Variants in NAGLU observed in about 807,000 individuals in gnomAD.
The protein encoded by NAGLU is N-acetyl-alpha-glucosaminidase.
A neutral mutation model predicts 43.4 loss-of-function variants in NAGLU; 34 were observed. That is an observed-to-expected ratio of 0.78 (90% CI 0.60 to 1.04). The LOEUF is 1.04. Among genes scored for constraint, NAGLU ranks in the 50% least tolerant of loss-of-function variants. The pLI is 0.00. For missense variants in NAGLU, 910 were observed against 993.7 expected, an observed-to-expected ratio of 0.92 and a Z score of 1.13; for synonymous variants, 425 against 437.6, an observed-to-expected ratio of 0.97 and a Z score of 0.36.
intron 4 of NAGLU, among the ~76,000 whole-genome samples, chr17:42,539,993 A>G (rs1252488078): frequency 6.6e-6 from 1 of 151,950 alleles, no homozygotes; most frequent in Non-Finnish European, 1.5e-5. Context: ...GGGCTCCTGT[A>G]ATCCCAGCTA....
chr17:42,543,015 C>A lies in NAGLU; in HGVS notation c.1022-13C>A. 3.7e-6 allele frequency: 6 copies of A among 1,600,300 alleles called. No homozygotes were observed. Among genetic ancestry groups the A allele is most frequent in the Non-Finnish European group, 5.1e-6 (6 of 1,179,974 alleles). On this transcript the variant is annotated splice_polypyrimidine_tract_variant and intron_variant, in intron 5 of 5. Coordinates refer to ENST00000225927, the MANE Select transcript of NAGLU (RefSeq NM_000263.4). ...CACTCCTCTTCTCTGTTCCCCCTAC[C>A]TCCTGTCCACAGTGGATACTGAGGC...
chr17:42,538,881 G>A, intron 4 of NAGLU, 126 bp downstream of exon 4: 1 of 1,144,602 alleles, frequency 8.7e-7, no homozygotes, highest in Non-Finnish European at 1.3e-6. Context: ...CAGCACTTTG[G>A]GAGGCCGAGT....
At position 42,544,371 on chromosome 17, in the gene NAGLU, G is replaced by A; in HGVS notation, c.*133G>A. 7.2e-7 allele frequency: 1 copy of A among 1,393,704 alleles called. No individual in the cohort carries two copies. Among genetic ancestry groups the A allele is most frequent in the Non-Finnish European group, 9.9e-7 (1 of 1,013,722 alleles). 86.3% of individuals were successfully genotyped at this position (1,393,704 alleles called of 1,614,324 possible). On this transcript the variant is annotated 3_prime_UTR_variant, in exon 6 of 6. Transcript: ENST00000225927. ...CGGCCTGCTGGTGGGGTCTGACCTG[G>A]GGGGATTGGAGGGAAATGACCTGCC...
intron 5 of NAGLU, among the ~76,000 whole-genome samples, chr17:42,542,021 C>T (rs1055704180): frequency 6.6e-6 from 1 of 152,118 alleles, no homozygotes; most frequent in Non-Finnish European, 1.5e-5. Context: ...CTGCCTCAGC[C>T]TCCCGAGTAG....
In NAGLU at chr17:42,536,620, C is replaced by A. The variant is rs559674042; in HGVS notation, c.348C>A (p.Ala116=). Residue 116 remains alanine, a synonymous_variant, in exon 1 of 6, where the codon GCC becomes GCA. Coordinates refer to ENST00000225927, the MANE Select transcript of NAGLU (RefSeq NM_000263.4). Reference sequence around the variant, plus strand: ...TGCGCCTGCCGCGGCCACTGCCAGCCGTGCCGGGGGAGCTGACCGAGGCCA... The same window carrying A: ...TGCGCCTGCCGCGGCCACTGCCAGCAGTGCCGGGGGAGCTGACCGAGGCCA... ...SQLRLPRPLP[A]VPGELTEATP... The A allele has an allele frequency of 3.3e-6, 5 of 1,496,290 alleles. No individual in the cohort carries two copies. Among genetic ancestry groups the A allele is most frequent in the South Asian group, 1.3e-5 (1 of 79,888 alleles). 92.7% of individuals were successfully genotyped at this position (1,496,290 alleles called of 1,614,324 possible). A position where few individuals can be genotyped will look rare whatever the true frequency, so the allele number is the denominator to read the frequency against.
intron 4 of NAGLU, 94 bp from the exon 5 acceptor site, chr17:42,540,855 AC>A: frequency 6.3e-7 from 1 of 1,576,300 alleles, no homozygotes; most frequent in South Asian, 1.1e-5. Flanking sequence ...GGCAAGAGAA[AC>A]CAGGAGCTGT....
chr17:42,536,507 G>A lies in NAGLU; in HGVS notation c.235G>A (p.Gly79Ser), dbSNP rs1276484671. ...CGGCGCGGCGCGCGTGCGGGTGCGC[G>A]GCTCCACGGGCGTGGCGGCCGCCGC... is the stretch of plus-strand genomic sequence containing the variant. Reference protein sequence around the residue: ...GGGAARVRVRGSTGVAAAAGL... With the variant: ...GGGAARVRVRSSTGVAAAAGL... The change falls in exon 1 of 6, where the codon GGC (glycine) becomes AGC (serine). Residue 79 changes from glycine (G) to serine (S), a missense_variant. By Grantham distance (56) the Gly-to-Ser change is moderately conservative (BLOSUM62 0). Coordinates refer to ENST00000225927, the MANE Select transcript of NAGLU (RefSeq NM_000263.4). The A allele has an allele frequency of 9.6e-6, 12 of 1,245,796 alleles. No individual in the cohort carries two copies. Among genetic ancestry groups the A allele is most frequent in the African/African-American group, 3.1e-5 (2 of 63,678 alleles). 77.2% of individuals were successfully genotyped at this position (1,245,796 alleles called of 1,614,324 possible). A position where few individuals can be genotyped will look rare whatever the true frequency, so the allele number is the denominator to read the frequency against.
rs146456266 is a variant in NAGLU at position 42,538,674 on chromosome 17, G to A, written c.683G>A (p.Arg228Gln). The change falls in exon 4 of 6, where the codon CGG (arginine) becomes CAG (glutamine). Residue 228 changes from arginine to glutamine, a missense_variant. Transcript: ENST00000225927. ...WHIKQLYLQH[R>Q]VLDQMRSFGM... ...CCCTTCCTTCTGTTCCTCCAGCACC[G>A]GGTCCTGGACCAGATGCGCTCCTTC... The A allele has an allele frequency of 2.9e-5, 46 of 1,613,946 alleles. No homozygotes were observed. In the African/African-American group the frequency reaches 4.5e-4, roughly 16 times the overall value.
At chr17:42,541,913 T>C (rs2092922610) in intron 5 of NAGLU, among the ~76,000 whole-genome samples, 4 of 152,284 alleles carry the variant, frequency 2.6e-5, no homozygotes, top group African/African-American at 9.6e-5. Flanking sequence ...ACATTTTTTT[T>C]TTTTTTGAGA....
Position 42,544,286 on chromosome 17 carries a change from T to G in NAGLU, c.*48T>G. ...TGTTTTCCGCTAATTCCAGGGCAGA[T>G]TCCAGGGCCCAGAGCTGGACAGACA... On this transcript the variant is annotated 3_prime_UTR_variant, in exon 6 of 6. Transcript: ENST00000225927. The G allele has an allele frequency of 6.2e-7, 1 of 1,600,848 alleles. No individual in the cohort carries two copies. Among genetic ancestry groups the G allele is most frequent in the Non-Finnish European group, 8.5e-7 (1 of 1,179,826 alleles).
intron 1 of NAGLU, chr17:42,536,987 G>T (rs1599254395): frequency 6.6e-6 from 3 of 453,618 alleles, no homozygotes; most frequent in East Asian, 8.9e-5. Flanking sequence ...GAGGAAGGAC[G>T]CCTCCATCCC....
In NAGLU at chr17:42,543,921, G is replaced by A. The variant is rs555145190; in HGVS notation, c.1915G>A (p.Glu639Lys). Residue 639 changes from glutamate (E) to lysine (K), a missense_variant, in exon 6 of 6, where the codon GAG becomes AAG. Transcript: ENST00000225927. ...CAGTGAGGCCGAGGCCGATTTCTAC[G>A]AGCAGAACAGCCGCTACCAGCTGAC... The part of the protein sequence containing the change: ...AVSEAEADFY[E>K]QNSRYQLTLW... The A allele has an allele frequency of 3.1e-6, 5 of 1,606,840 alleles. No homozygotes were observed. The highest frequency in any genetic ancestry group is 1.6e-4 in the Middle Eastern group (1 of 6,074).
chr17:42,536,845 AAAG>A, intron 1 of NAGLU, 190 bp downstream of exon 1: 1 of 1,124,522 alleles, frequency 8.9e-7, no homozygotes. Context: ...TGAAAAACGG[AAAG>A]AAGACGCCTA....
At position 42,543,021 on chromosome 17, in the gene NAGLU, T is replaced by C; in HGVS notation, c.1022-7T>C. 6.2e-7 allele frequency: 1 copy of C among 1,601,198 alleles called. No homozygotes were observed. The highest frequency in any genetic ancestry group is 1.1e-5 in the South Asian group (1 of 91,020). ...TCTTCTCTGTTCCCCCTACCTCCTG[T>C]CCACAGTGGATACTGAGGCTGTGTG... On this transcript the variant is annotated splice_region_variant and splice_polypyrimidine_tract_variant and intron_variant, in intron 5 of 5. Coordinates refer to ENST00000225927, the MANE Select transcript of NAGLU (RefSeq NM_000263.4).
At chr17:42,538,286 G>T (rs2092912279) in intron 2 of NAGLU, 53 bp from the exon 3 acceptor site, 2 of 1,612,470 alleles carry the variant, frequency 1.2e-6, no homozygotes, top group South Asian at 2.2e-5. Flanking sequence ...TTGAATGAAT[G>T]AATGAATGAA....
chr17:42,537,387 A>T lies in NAGLU; in HGVS notation c.384-11A>T. 6.2e-7 allele frequency: 1 copy of T among 1,614,010 alleles called. No homozygotes were observed. Among genetic ancestry groups the T allele is most frequent in the East Asian group, 2.2e-5 (1 of 44,880 alleles). ...GGTGGGATGCGCCCCTGCTCATGACACTGCCCGCAGGTACCGCTATTACCA... is the reference window on the plus strand; with the variant it reads ...GGTGGGATGCGCCCCTGCTCATGACTCTGCCCGCAGGTACCGCTATTACCA... On this transcript the variant is annotated splice_polypyrimidine_tract_variant and intron_variant, in intron 1 of 5. Transcript: ENST00000225927.
rs146456266 is a variant in NAGLU, at chr17:42,538,674, G to C, written c.683G>C (p.Arg228Pro). The C allele has an allele frequency of 2.5e-6, 4 of 1,613,946 alleles. No homozygotes were observed. Among genetic ancestry groups the C allele is most frequent in the Non-Finnish European group, 2.5e-6 (3 of 1,180,002 alleles). Residue 228 changes from arginine to proline, a missense_variant, in exon 4 of 6, where the codon CGG becomes CCG. Arg to Pro is a moderately radical substitution (Grantham distance 103). Transcript: ENST00000225927. Reference protein sequence around the residue: ...WHIKQLYLQHRVLDQMRSFGM... With the variant: ...WHIKQLYLQHPVLDQMRSFGM... The stretch of plus-strand genomic sequence containing the variant: ...CCCTTCCTTCTGTTCCTCCAGCACC[G>C]GGTCCTGGACCAGATGCGCTCCTTC...
chr17:42,538,843 C>A, intron 4 of NAGLU, 88 bp downstream of exon 4: 1 of 1,480,456 alleles, frequency 6.8e-7, no homozygotes, highest in South Asian at 1.2e-5. Flanking sequence ...AGCTCTGGGC[C>A]GGGCGCAGTG....
chr17:42,541,644 T>G (rs1025234546), intron 5 of NAGLU, among the ~76,000 whole-genome samples: 6 of 152,236 alleles, frequency 3.9e-5, no homozygotes, highest in African/African-American at 1.4e-4. Context: ...CTAAAGGCAC[T>G]AAGTGCGCAT....
Sources: gnomAD v4.1 joint callset for allele counts (sites outside exome capture counted in the v4.1 genomes callset) on GRCh38, gnomAD v4.1.1 for gene constraint, MANE v1.5 for transcripts, NCBI Gene and HGNC (gene_info 2026-07-23, HGNC 2026-07-21) for gene names.